Variants in ARMC12 observed in about 807,000 individuals in gnomAD.
The protein encoded by ARMC12 is armadillo repeat-containing protein 12.
In ARMC12, 25 loss-of-function variants were observed where a neutral mutation model predicts 37.4. The observed-to-expected ratio is 0.67, with a 90% confidence interval of 0.49 to 0.93. ARMC12 has a LOEUF of 0.93. Ranked by LOEUF, ARMC12 falls within the 40% of genes least tolerant of loss-of-function variation. ARMC12 has a pLI of 0.00. For missense variants in ARMC12, 384 were observed against 426.6 expected (o/e 0.90, Z 0.88); for synonymous variants, 167 against 176.1 (o/e 0.95, Z 0.41).
rs762975488 is a variant in ARMC12, at chr6:35,747,610, A to G, written c.653A>G (p.Gln218Arg). The G allele has an allele frequency of 1.9e-6, 3 of 1,614,266 alleles. No homozygotes were observed. The highest frequency in any genetic ancestry group is 1.1e-5 in the South Asian group (1 of 91,092). The change falls in exon 5 of 6, where the codon CAG becomes CGG. Residue 218 changes from glutamine (Q) to arginine (R), a missense_variant. Physicochemically the swap from Gln to Arg is conservative, Grantham distance 43 (BLOSUM62 1). Coordinates refer to ENST00000373866, the MANE Select transcript of ARMC12 (RefSeq NM_001286574.2). ...GTACGACTGCTGAGCTACCTGGCAC[A>G]GAAGAATGACCTTCTCTATGACATT... The part of the protein sequence containing the change: ...QAVRLLSYLA[Q>R]KNDLLYDILN...
chr6:35,747,276 G>C lies in ARMC12; in HGVS notation c.460G>C (p.Val154Leu). 6.2e-7 allele frequency: 1 copy of C among 1,612,354 alleles called. No homozygotes were observed. Among genetic ancestry groups the C allele is most frequent in the Non-Finnish European group, 8.5e-7 (1 of 1,179,884 alleles). Residue 154 changes from valine to leucine, a missense_variant, in exon 4 of 6, where the codon GTA becomes CTA. Val to Leu is a conservative substitution (Grantham distance 32). Transcript: ENST00000373866. The stretch of plus-strand genomic sequence containing the variant: ...CCCACTCCAGGAACACTCCATCAAA[G>C]TACTCGAACTGATCTCCACCATCTG... ...RLKIQEHSIK[V>L]LELISTIWDT...
chr6:35,745,611 T>C (rs1410135404), intron 3 of ARMC12, among the ~76,000 whole-genome samples: 1 of 152,264 alleles, frequency 6.6e-6, no homozygotes, highest in African/African-American at 2.4e-5. Context: ...CATAGAACTA[T>C]GCACACATAT....
rs150811430 is a variant in ARMC12, at chr6:35,743,286, A to G, written c.445-3975A>G. On this transcript the variant is annotated intron_variant, in intron 3 of 5. Coordinates refer to ENST00000373866, the MANE Select transcript of ARMC12 (RefSeq NM_001286574.2). ...GGCTGGAGTGCAATGGCGCGATCTC[A>G]GCTCACCGCAACCTCCGCCTCCCGG... Among the ~76,000 whole-genome samples, 90 of 148,490 alleles carry G rather than the reference A, an allele frequency of 6.1e-4. 1 individual carries two copies. In the East Asian group the frequency reaches 0.017, roughly 29 times the overall value.
At chr6:35,745,228 T>C (rs556644689) in intron 3 of ARMC12, among the ~76,000 whole-genome samples, 85 of 152,334 alleles carry the variant, frequency 5.6e-4, no homozygotes, top group African/African-American at 1.6e-3. Flanking sequence ...CAAAAATGTC[T>C]GTCAATCGGT....
intron 3 of ARMC12, among the ~76,000 whole-genome samples, chr6:35,745,713 G>A (rs1442263076): frequency 3.9e-5 from 6 of 152,282 alleles, no homozygotes; most frequent in South Asian, 2.1e-4. Flanking sequence ...ATGGGACCTC[G>A]CTGTACTATT....
At chr6:35,731,826 C>T in the ARMC12 span, among the ~76,000 whole-genome samples, 810 of 152,340 alleles carry the variant, frequency 5.3e-3, 9 homozygotes, top group African/African-American at 0.018. Flanking sequence ...CCCGCCCCTT[C>T]CCGGGCAGCC....
In ARMC12 at chr6:35,738,411, G is replaced by A. The variant is rs749695167; in HGVS notation, c.337G>A (p.Val113Met). The A allele has an allele frequency of 2.5e-6, 4 of 1,613,634 alleles. No homozygotes were observed. The highest frequency in any genetic ancestry group is 1.1e-5 in the South Asian group (1 of 91,058). ...CTCTGCTTGTACTACGGATGACATCGTGTTGCTGGGCTACATGCTGGATGA... is the reference window on the plus strand; with the variant it reads ...CTCTGCTTGTACTACGGATGACATCATGTTGCTGGGCTACATGCTGGATGA... ...EASACTTDDI[V>M]LLGYMLDDKD... The change falls in exon 3 of 6, where the codon GTG becomes ATG. Residue 113 changes from valine (V) to methionine (M), a missense_variant. Transcript: ENST00000373866.
the ARMC12 span, among the ~76,000 whole-genome samples, chr6:35,732,011 G>A: frequency 2.6e-5 from 4 of 152,146 alleles, no homozygotes; most frequent in South Asian, 2.1e-4. Flanking sequence ...GCGGGGACGG[G>A]AGCGAAAGAA....
chr6:35,734,967 A>G (rs1766923070), upstream of ARMC12: 1 of 152,200 alleles, frequency 6.6e-6, no homozygotes. Context: ...ATCTCTCTGA[A>G]TCATTTGAAG....
upstream of ARMC12, chr6:35,736,962 A>G (rs1182583831): frequency 3.2e-6 from 4 of 1,268,308 alleles, no homozygotes; most frequent in African/African-American, 1.5e-5. Flanking sequence ...ACTGCCCTCC[A>G]TCCCATTATC....
chr6:35,732,285 G>A (rs187322643), upstream of ARMC12, among the ~76,000 whole-genome samples: 3 of 152,296 alleles, frequency 2.0e-5, no homozygotes, highest in East Asian at 5.8e-4. Flanking sequence ...AGGCAGGGGC[G>A]GCCCCCAGCC....
chr6:35,737,528 C>G (rs1053778509), intron 1 of ARMC12, among the ~76,000 whole-genome samples: 3 of 152,234 alleles, frequency 2.0e-5, no homozygotes, highest in African/African-American at 7.2e-5. Flanking sequence ...TTTCCTCTGG[C>G]TCCCAGGATT....
chr6:35,734,531 G>A (rs1264644799), upstream of ARMC12, among the ~76,000 whole-genome samples: 4 of 152,190 alleles, frequency 2.6e-5, no homozygotes, highest in Admixed American at 2.0e-4. Flanking sequence ...AGCCAGGCGC[G>A]GTGGCTCGTG....
upstream of ARMC12, chr6:35,736,873 G>A (rs1392840014): frequency 3.4e-6 from 2 of 589,792 alleles, no homozygotes; most frequent in African/African-American, 3.7e-5. Context: ...GCCTCCCAAA[G>A]TGCTGGGATT....
In ARMC12 at chr6:35,749,037, C is replaced by T. The variant is rs1767428218; in HGVS notation, c.*167C>T. 3 of 621,954 alleles carry T rather than the reference C, an allele frequency of 4.8e-6. No homozygotes were observed. The highest frequency in any genetic ancestry group is 7.8e-6 in the Non-Finnish European group (3 of 384,092). The allele number at this position is 621,954 out of a possible 1,614,324, so 38.5% of individuals were successfully genotyped here. A position where few individuals can be genotyped will look rare whatever the true frequency, so the allele number is the denominator to read the frequency against. On this transcript the variant is annotated 3_prime_UTR_variant, in exon 6 of 6. Transcript: ENST00000373866. ...TATCTCTCAAAACACATCCCCACTT[C>T]TATGTTTGGGGGACTAGCTCCCCTC...
upstream of ARMC12, among the ~76,000 whole-genome samples, chr6:35,733,567 C>T (rs367833842): frequency 3.3e-5 from 5 of 151,988 alleles, no homozygotes; most frequent in Non-Finnish European, 7.4e-5. Context: ...GGAGTGCAGT[C>T]GTGCCATCTC....
upstream of ARMC12, among the ~76,000 whole-genome samples, chr6:35,733,299 C>G (rs1484977531): frequency 6.6e-6 from 1 of 152,248 alleles, no homozygotes; most frequent in Non-Finnish European, 1.5e-5. Flanking sequence ...TGTGTTCTCA[C>G]TGCCTGCCCA....
chr6:35,739,875 C>A (rs111697765), intron 3 of ARMC12, among the ~76,000 whole-genome samples: 8 of 152,198 alleles, frequency 5.3e-5, no homozygotes, highest in Non-Finnish European at 1.0e-4. Flanking sequence ...TGAATTAAAT[C>A]ATGTCCAGCT....
At chr6:35,737,488 G>C (rs902240012) in intron 1 of ARMC12, 70 of 1,365,148 alleles carry the variant, frequency 5.1e-5, no homozygotes, top group Admixed American at 7.3e-5. Flanking sequence ...TGGATCCTCA[G>C]ACTCATCTGG....
Sources: allele counts gnomAD v4.1 joint callset (sites outside exome capture counted in the v4.1 genomes callset), GRCh38; gene constraint gnomAD v4.1.1; transcripts MANE v1.5; gene names NCBI Gene and HGNC (gene_info 2026-07-23, HGNC 2026-07-21).